Variants in RAI14 observed in about 807,000 individuals in gnomAD.
The protein encoded by RAI14 is retinoic acid induced 14, also known as ankycorbin.
In RAI14, 45 loss-of-function variants were observed where a neutral mutation model predicts 115.4. The ratio of observed to expected loss-of-function variants is 0.39; its 90% CI spans 0.31 to 0.50. RAI14 has a LOEUF of 0.50. RAI14 is among the 20% of genes least tolerant of loss of function. RAI14 has a pLI of 0.85. For synonymous variants in RAI14, 371 were observed against 415.4 expected, an observed-to-expected ratio of 0.89 and a Z score of 1.30; for missense variants, 939 against 1,131.2, an observed-to-expected ratio of 0.83 and a Z score of 2.44.
At chr5:34,817,020 G>A (rs1580353840) in intron 12 of RAI14, among the ~76,000 whole-genome samples, 2 of 152,114 alleles carry the variant, frequency 1.3e-5, no homozygotes, top group Admixed American at 6.5e-5. Flanking sequence ...GCTCATGCCT[G>A]TAATCCCAGC....
At chr5:34,684,290 G>T (rs1202157744) in intron 1 of RAI14, among the ~76,000 whole-genome samples, 1 of 152,072 alleles carries the variant, frequency 6.6e-6, no homozygotes, top group East Asian at 1.9e-4. Context: ...GAAGTTCCTG[G>T]GCTCTACCCC....
intron 14 of RAI14, among the ~76,000 whole-genome samples, chr5:34,822,242 G>T: frequency 1.0e-5 from 1 of 98,492 alleles, no homozygotes; most frequent in African/African-American, 4.2e-5. Flanking sequence ...ATATATGTAT[G>T]TGTGTATGTA....
chr5:34,765,935 C>T (rs1749287268), intron 3 of RAI14, among the ~76,000 whole-genome samples: 1 of 152,226 alleles, frequency 6.6e-6, no homozygotes, highest in African/African-American at 2.4e-5. Context: ...CCAGCTGTGG[C>T]TGAAAGGGGC....
intron 3 of RAI14, among the ~76,000 whole-genome samples, chr5:34,763,065 T>C (rs1232655229): frequency 1.3e-5 from 2 of 152,102 alleles, no homozygotes; most frequent in African/African-American, 4.8e-5. Flanking sequence ...TATTTTTAGA[T>C]GACTCTGTGG....
intron 3 of RAI14, among the ~76,000 whole-genome samples, chr5:34,780,420 T>A (rs1006066350): frequency 6.6e-6 from 1 of 152,024 alleles, no homozygotes; most frequent in Non-Finnish European, 1.5e-5. Context: ...GAAACTACCA[T>A]CAGAGTGAAC....
At chr5:34,687,441 C>A in intron 2 of RAI14, 1 of 713,306 alleles carries the variant, frequency 1.4e-6, no homozygotes, top group Non-Finnish European at 2.0e-6. Flanking sequence ...ACCTTTCCTC[C>A]CCCCGAATTC....
At position 34,791,762 on chromosome 5, in the gene RAI14, T is replaced by C. The variant is rs1752939864; in HGVS notation, c.168-4177T>C. Reference sequence around the variant, plus strand: ...GGATTCTAACAAGAGTGAGAATCTATTTCTACTCTTGACCTAAAGGGGCAA... The same window carrying C: ...GGATTCTAACAAGAGTGAGAATCTACTTCTACTCTTGACCTAAAGGGGCAA... On this transcript the variant is annotated intron_variant, in intron 3 of 17. Coordinates refer to ENST00000265109, the MANE Select transcript of RAI14 (RefSeq NM_015577.3). The surrounding 1 kb of genome is among the most constrained non-coding windows in gnomAD (Gnocchi z 5.4). Among the ~76,000 whole-genome samples, 1 of 152,182 alleles carries C rather than the reference T, an allele frequency of 6.6e-6. No individual in the cohort carries two copies. Among genetic ancestry groups the C allele is most frequent in the Non-Finnish European group, 1.5e-5 (1 of 68,026 alleles).
chr5:34,724,661 A>T (rs755008023), intron 2 of RAI14, among the ~76,000 whole-genome samples: 1 of 152,166 alleles, frequency 6.6e-6, no homozygotes, highest in Non-Finnish European at 1.5e-5. Flanking sequence ...GGAAAAAAGG[A>T]TGCTGCTTCA....
In RAI14 at chr5:34,755,652, A is replaced by G. The variant is rs12110131; in HGVS notation, c.37-1816A>G. On this transcript the variant is annotated intron_variant, in intron 2 of 17. Coordinates refer to ENST00000265109, the MANE Select transcript of RAI14 (RefSeq NM_015577.3). ...TAGCACTCTATAGACATAACAACCAAAATGTTTCCAGAGATTGCCAAATGA... is the reference window on the plus strand; with the variant it reads ...TAGCACTCTATAGACATAACAACCAGAATGTTTCCAGAGATTGCCAAATGA... Among the ~76,000 whole-genome samples the G allele has an allele frequency of 4.4e-3, 667 of 152,226 alleles. 9 individuals carry two copies. The highest frequency in any genetic ancestry group is 0.015 in the African/African-American group (614 of 41,538).
intron 8 of RAI14, 114 bp from the exon 9 acceptor site, chr5:34,811,653 A>G (rs922332938): frequency 9.1e-5 from 81 of 894,316 alleles, no homozygotes; most frequent in Non-Finnish European, 1.2e-5. Flanking sequence ...ATTAAGTGTA[A>G]TAAAGGTTTA....
At chr5:34,735,359 A>G (rs1744736765) in intron 2 of RAI14, among the ~76,000 whole-genome samples, 2 of 152,220 alleles carry the variant, frequency 1.3e-5, no homozygotes, top group Admixed American at 6.5e-5. Context: ...ATGAAAAGCT[A>G]GAATATATAC....
chr5:34,803,579 C>T, intron 4 of RAI14, 133 bp from the exon 5 acceptor site: 1 of 756,174 alleles, frequency 1.3e-6, no homozygotes, highest in South Asian at 1.9e-5. Flanking sequence ...AACAAACAAA[C>T]AAAAAAACAC....
chr5:34,674,867 G>T (rs1327295556), intron 1 of RAI14, among the ~76,000 whole-genome samples: 2 of 151,652 alleles, frequency 1.3e-5, no homozygotes, highest in African/African-American at 4.8e-5. Context: ...GGGATTACAG[G>T]CATGAGCCAC....
At chr5:34,753,684 G>A (rs183453847) in intron 2 of RAI14, among the ~76,000 whole-genome samples, 1 of 152,192 alleles carries the variant, frequency 6.6e-6, no homozygotes, top group African/African-American at 2.4e-5. Context: ...GGGAGGCCAC[G>A]GTGGGCAGAT....
intron 2 of RAI14, among the ~76,000 whole-genome samples, chr5:34,704,855 G>A (rs1288334157): frequency 6.6e-6 from 1 of 152,202 alleles, no homozygotes; most frequent in Non-Finnish European, 1.5e-5. Context: ...CTGTGAGGAT[G>A]GGACAAAGAT....
At position 34,684,056 on chromosome 5, in the gene RAI14, C is replaced by T. The variant is rs112145518; in HGVS notation, c.-48-2816C>T. 3.7e-3 allele frequency among the ~76,000 whole-genome samples: 571 copies of T among 152,278 alleles called. 4 individuals carry two copies. Among genetic ancestry groups the T allele is most frequent in the African/African-American group, 0.013 (538 of 41,556 alleles). The stretch of plus-strand genomic sequence containing the variant: ...ATTTCCACTTTCTAGCAACAGTTGG[C>T]GTAGAAACCCTGGCCCAGCCAGCGA... On this transcript the variant is annotated intron_variant, in intron 1 of 17. Transcript: ENST00000265109.
chr5:34,813,509 T>TA, intron 10 of RAI14, 65 bp from the exon 11 acceptor site: 1 of 1,111,810 alleles, frequency 9.0e-7, no homozygotes, highest in Non-Finnish European at 1.3e-6. Context: ...TTGATAAAGC[T>TA]ACTTGCCCAG....
chr5:34,829,016 A>G (rs1757738189), intron 16 of RAI14, among the ~76,000 whole-genome samples: 1 of 152,208 alleles, frequency 6.6e-6, no homozygotes, highest in Non-Finnish European at 1.5e-5. Context: ...AAAATTTTCC[A>G]TAATTCAATA....
chr5:34,753,764 A>C (rs1287196047), intron 2 of RAI14, among the ~76,000 whole-genome samples: 1 of 152,144 alleles, frequency 6.6e-6, no homozygotes, highest in Non-Finnish European at 1.5e-5. Context: ...AAATACAAAA[A>C]TTAGCTGGGC....
Sources: gnomAD v4.1 joint callset for allele counts (sites outside exome capture counted in the v4.1 genomes callset) on GRCh38, gnomAD v4.1.1 for gene constraint, Gnocchi (gnomAD v3.1) non-coding constraint, MANE v1.5 for transcripts, NCBI Gene and HGNC (gene_info 2026-07-23, HGNC 2026-07-21) for gene names.